PHKA2: variants seen among roughly 807,000 people sequenced by gnomAD.
PHKA2 encodes phosphorylase b kinase regulatory subunit alpha, liver isoform.
PHKA2 carries 31 observed loss-of-function variants against 102.0 expected under a neutral mutation model. The observed-to-expected ratio is 0.30, with a 90% CI of 0.23 to 0.41. PHKA2 has a LOEUF of 0.41. Among genes scored for constraint, PHKA2 ranks in the 10% least tolerant of loss-of-function variants. The pLI is 1.00. For synonymous variants in PHKA2, 455 were observed against 416.2 expected (o/e 1.09, Z -1.13); for missense variants, 858 against 1,023.1 (o/e 0.84, Z 2.20).
chrX:18,943,584 G>A, intron 7 of PHKA2, 126 bp downstream of exon 7: 1 of 588,830 alleles, frequency 1.7e-6, no homozygotes, highest in Non-Finnish European at 3.0e-6. Flanking sequence ...TTTTATGGGT[G>A]AGAAAACTGA....
At chrX:18,980,436 G>A (rs2049155036) in intron 1 of PHKA2, among the ~76,000 whole-genome samples, 1 of 112,874 alleles carries the variant, frequency 8.9e-6, no homozygotes, top group Non-Finnish European at 1.9e-5. Context: ...CCACCCTGTG[G>A]CAGGAGGCGA....
rs2047502791 is a variant in PHKA2, at chrX:18,894,751, C to G, written c.3337-347G>C. On this transcript the variant is annotated intron_variant, in intron 31 of 32. Transcript: ENST00000379942. ...GGTGGGGTAAAACTAAAAAAAAATC[C>G]ATGTTAAAAAGAATGACAAATCACC... 6 of 378,781 alleles carry G rather than the reference C, an allele frequency of 1.6e-5. 1 individual carries two copies. In the South Asian group the frequency reaches 2.0e-4, roughly 13 times the overall value. 31.2% of individuals were successfully genotyped at this position (378,781 alleles called of 1,213,427 possible).
At chrX:18,968,459 A>G (rs1019359832) in intron 1 of PHKA2, among the ~76,000 whole-genome samples, 7 of 108,624 alleles carry the variant, frequency 6.4e-5, no homozygotes, top group Non-Finnish European at 1.3e-4. Context: ...TGGATAATTA[A>G]GAATATTATT....
intron 14 of PHKA2, 85 bp downstream of exon 14, chrX:18,926,368 G>C: frequency 2.7e-6 from 2 of 749,753 alleles, no homozygotes; most frequent in South Asian, 4.2e-5. Context: ...TAGAACTTAC[G>C]TATATCACAG....
rs1004261145 is a variant in PHKA2 at position 18,942,889 on chromosome X, G to A, written c.717+821C>T. Among the ~76,000 whole-genome samples, 11 of 108,270 alleles carry A rather than the reference G, an allele frequency of 1.0e-4. 1 individual carries two copies. Among genetic ancestry groups the A allele is most frequent in the East Asian group, 2.9e-4 (1 of 3,479 alleles). 94.0% of individuals were successfully genotyped at this position (108,270 alleles called of 115,157 possible). A position where few individuals can be genotyped will look rare whatever the true frequency, so the allele number is the denominator to read the frequency against. The stretch of plus-strand genomic sequence containing the variant: ...AATAGACTATACCCCAAGAAATACC[G>A]GGACTACCTAAAGGGGAAAAATTGA... On this transcript the variant is annotated intron_variant, in intron 7 of 32. Coordinates refer to ENST00000379942, the MANE Select transcript of PHKA2 (RefSeq NM_000292.3).
intron 1 of PHKA2, among the ~76,000 whole-genome samples, chrX:18,978,346 C>T (rs1232506093): frequency 9.0e-6 from 1 of 111,290 alleles, no homozygotes; most frequent in Non-Finnish European, 1.9e-5. Flanking sequence ...TTATTTCCTA[C>T]CCTCCCCAGC....
At chrX:18,943,075 C>G (rs1407214755) in intron 7 of PHKA2, among the ~76,000 whole-genome samples, 1 of 111,292 alleles carries the variant, frequency 9.0e-6, no homozygotes, top group African/African-American at 3.3e-5. Context: ...TCTCCATTCA[C>G]AAGTCTTTAT....
At chrX:18,941,715 G>GC in intron 7 of PHKA2, 40 bp from the exon 8 acceptor site, 13 of 980,347 alleles carry the variant, frequency 1.3e-5, no homozygotes, top group Non-Finnish European at 1.6e-5. Context: ...CTGGAGATGC[G>GC]CTAATAGGCG....
chrX:18,893,458 A>C lies in PHKA2; in HGVS notation c.*27T>G. 2 of 1,198,661 alleles carry C rather than the reference A, an allele frequency of 1.7e-6. No individual in the cohort carries two copies. Among genetic ancestry groups the C allele is most frequent in the Non-Finnish European group, 2.3e-6 (2 of 883,958 alleles). ...GCTAGGGGGCACGTGACAGATTGAG[A>C]GTGTGATCATGTTTCCAGGTGAGAC... On this transcript the variant is annotated 3_prime_UTR_variant, in exon 33 of 33. Transcript: ENST00000379942.
chrX:18,893,593 A>G lies in PHKA2; in HGVS notation c.3600T>C (p.Phe1200=). ...KDQATGICHF[F]YDSAPSGAYG... The stretch of plus-strand genomic sequence containing the variant: ...AAGCCCCACTCGGAGCGCTGTCATA[A>G]AAGAAGTGGCAGATTCCTGTGGCTT... Residue 1200 remains phenylalanine (F), a synonymous_variant, in exon 33 of 33, where the codon TTT becomes TTC. Transcript: ENST00000379942. 8.3e-7 allele frequency: 1 copy of G among 1,211,607 alleles called. No individual in the cohort carries two copies.
chrX:18,907,249 C>A, intron 22 of PHKA2, 152 bp from the exon 23 acceptor site: 1 of 521,430 alleles, frequency 1.9e-6, no homozygotes, highest in Non-Finnish European at 3.4e-6. Flanking sequence ...CTGAAAAATT[C>A]ATACCTAGAC....
At chrX:18,959,626 T>C (rs1470639409) in intron 1 of PHKA2, among the ~76,000 whole-genome samples, 1 of 111,687 alleles carries the variant, frequency 9.0e-6, no homozygotes, top group African/African-American at 3.3e-5. Context: ...CTGTTTACTT[T>C]GCTAAACTCT....
At chrX:18,895,617 CAAA>C in intron 30 of PHKA2, 1 of 183,984 alleles carries the variant, frequency 5.4e-6, no homozygotes, top group Non-Finnish European at 1.0e-5. Context: ...GCACCAATCA[CAAA>C]AGCCTCCAGC....
intron 1 of PHKA2, among the ~76,000 whole-genome samples, chrX:18,964,171 C>A (rs773843898): frequency 9.0e-6 from 1 of 111,496 alleles, no homozygotes. Context: ...CCAAGAAAAC[C>A]TGAATTAGTG....
chrX:18,921,222 G>T (rs899485999), intron 17 of PHKA2, among the ~76,000 whole-genome samples: 4 of 111,438 alleles, frequency 3.6e-5, no homozygotes, highest in African/African-American at 1.3e-4. Context: ...CTGAGCTCAG[G>T]AGTTTGAGAC....
intron 26 of PHKA2, among the ~76,000 whole-genome samples, chrX:18,902,033 G>A (rs1555991749): frequency 9.0e-6 from 1 of 111,026 alleles, no homozygotes; most frequent in South Asian, 3.9e-4. Context: ...AGTAGAGGCA[G>A]GGTTTCACCA....
chrX:18,937,488 G>T (rs1313111127), intron 10 of PHKA2, among the ~76,000 whole-genome samples: 2 of 111,501 alleles, frequency 1.8e-5, no homozygotes, highest in South Asian at 3.7e-4. Flanking sequence ...ATAGTTGTGG[G>T]TCGTAGGAGC....
chrX:18,973,671 G>A (rs2049047972), intron 1 of PHKA2, among the ~76,000 whole-genome samples: 1 of 111,783 alleles, frequency 8.9e-6, no homozygotes, highest in South Asian at 3.7e-4. Flanking sequence ...TTTAAGATAG[G>A]GATTATCTGT....
Position 18,892,331 on chromosome X carries a change from G to C in PHKA2, c.*1154C>G, listed in dbSNP as rs2047438995. Reference sequence around the variant, plus strand: ...TGTCTTTCAAGGTTTATTATTTACAGAAACTGTTTTCCCATTGGTTTTGTT... The same window carrying C: ...TGTCTTTCAAGGTTTATTATTTACACAAACTGTTTTCCCATTGGTTTTGTT... On this transcript the variant is annotated 3_prime_UTR_variant, in exon 33 of 33. Transcript: ENST00000379942. 8.9e-6 allele frequency: 1 copy of C among 112,720 alleles called. No homozygotes were observed. Among genetic ancestry groups the C allele is most frequent in the Non-Finnish European group, 1.9e-5 (1 of 53,354 alleles). 9.3% of individuals were successfully genotyped at this position (112,720 alleles called of 1,213,427 possible). A position where few individuals can be genotyped will look rare whatever the true frequency, so the allele number is the denominator to read the frequency against.
Sources: gnomAD v4.1 joint callset for allele counts (sites outside exome capture counted in the v4.1 genomes callset) on GRCh38, gnomAD v4.1.1 for gene constraint, MANE v1.5 for transcripts, NCBI Gene and HGNC (gene_info 2026-07-23, HGNC 2026-07-21) for gene names.